MFN2: variants seen among roughly 807,000 people sequenced by gnomAD.
MFN2 encodes mitofusin 2.
In MFN2, 43 loss-of-function variants were observed where a neutral mutation model predicts 87.5. The ratio of observed to expected loss-of-function variants is 0.49; its 90% confidence interval spans 0.38 to 0.63. MFN2 has a LOEUF of 0.63. Ranked by LOEUF, MFN2 falls within the 30% of genes least tolerant of loss-of-function variation. MFN2 has a pLI of 0.00. For synonymous variants in MFN2, 337 were observed against 359.9 expected, an observed-to-expected ratio of 0.94 and a Z score of 0.72; for missense variants, 743 against 972.8, an observed-to-expected ratio of 0.76 and a Z score of 3.14.
chr1:11,984,532 G>A (rs776319663), intron 2 of MFN2, among the ~76,000 whole-genome samples: 6 of 152,158 alleles, frequency 3.9e-5, no homozygotes, highest in Non-Finnish European at 7.3e-5. Flanking sequence ...TTTCATCCAC[G>A]GATCCAGGCT....
chr1:11,999,236 G>A, intron 8 of MFN2, 141 bp downstream of exon 8: 2 of 763,186 alleles, frequency 2.6e-6, no homozygotes, highest in Admixed American at 2.0e-5. Flanking sequence ...ATACTCTTCT[G>A]TGGTATCTTC....
At position 12,006,899 on chromosome 1, in the gene MFN2, C is replaced by T. The variant is rs116069423; in HGVS notation, c.1873-154C>T. Among the ~76,000 whole-genome samples the T allele has an allele frequency of 2.6e-5, 4 of 152,294 alleles. No individual in the cohort carries two copies. The South Asian group carries it at 6.2e-4, about 24-fold the overall frequency. ...GACATGGTCCCAGACCTTCTGGCCT[C>T]GGTGGGATCAAAGGAGACATTGAAA... is the stretch of plus-strand genomic sequence containing the variant. On this transcript the variant is annotated intron_variant, in intron 16 of 18. Coordinates refer to ENST00000235329, the MANE Select transcript of MFN2 (RefSeq NM_014874.4).
chr1:12,006,949 A>T, intron 16 of MFN2, 104 bp from the exon 17 acceptor site: 1 of 1,446,978 alleles, frequency 6.9e-7, no homozygotes, highest in South Asian at 1.1e-5. Flanking sequence ...AGAAACATGA[A>T]GGCTCCTTGG....
chr1:12,007,962 A>G (rs1042152029), intron 17 of MFN2, among the ~76,000 whole-genome samples: 2 of 152,056 alleles, frequency 1.3e-5, no homozygotes, highest in African/African-American at 4.8e-5. Context: ...CTTGACAAGC[A>G]TGCTGCCTTC....
chr1:11,994,040 T>C (rs1638807602), intron 4 of MFN2, among the ~76,000 whole-genome samples: 1 of 152,186 alleles, frequency 6.6e-6, no homozygotes, highest in African/African-American at 2.4e-5. Flanking sequence ...CACATTGAGA[T>C]TGAGTATTCC....
Position 12,006,567 on chromosome 1 carries a change from C to G in MFN2, c.1746C>G (p.Ala582=), listed in dbSNP as rs201393256. ...QVQRPIPLTP[A]NPSMPPLPQG... is the part of the protein sequence containing the mutation. ...AGCGTCCCATCCCTCTGACGCCAGC[C>G]AACCCCAGCATGCCCCCACTGCCAC... The change falls in exon 16 of 19, where the codon GCC becomes GCG. Residue 582 remains alanine, a synonymous_variant. Coordinates refer to ENST00000235329, the MANE Select transcript of MFN2 (RefSeq NM_014874.4). 1.2e-6 allele frequency: 2 copies of G among 1,614,258 alleles called. No homozygotes were observed. Among genetic ancestry groups the G allele is most frequent in the East Asian group, 2.2e-5 (1 of 44,888 alleles).
At chr1:11,988,991 C>T (rs1366607764) in intron 2 of MFN2, among the ~76,000 whole-genome samples, 174 bp from the exon 3 acceptor site, 14 of 152,162 alleles carry the variant, frequency 9.2e-5, no homozygotes, top group South Asian at 8.3e-4. Context: ...GGTGAGCCAC[C>T]GCGCCCAGCC....
chr1:12,004,404 T>C lies in MFN2; in HGVS notation c.1288-105T>C. 4 of 1,076,626 alleles carry C rather than the reference T, an allele frequency of 3.7e-6. No homozygotes were observed. The highest frequency in any genetic ancestry group is 4.3e-6 in the Non-Finnish European group (3 of 691,332). The allele number at this position is 1,076,626 out of a possible 1,614,324, so 66.7% of individuals were successfully genotyped here. A position where few individuals can be genotyped will look rare whatever the true frequency, so the allele number is the denominator to read the frequency against. On this transcript the variant is annotated intron_variant, in intron 12 of 18. Transcript: ENST00000235329. This position sits in a 1 kb window ranked among gnomAD's most constrained non-coding sequence, Gnocchi z 4.2. Reference sequence around the variant, plus strand: ...TCCATAGAGGAGCTGAGGAGGCTGCTGGTTTGAGAGGAAGGATGTGCCATC... The same window carrying C: ...TCCATAGAGGAGCTGAGGAGGCTGCCGGTTTGAGAGGAAGGATGTGCCATC...
In MFN2 at chr1:12,012,886, C is replaced by T. The variant is rs1253156362; in HGVS notation, c.*1321C>T. ...CTTCCTAGAAATAAGCAACACCTCT[C>T]CCAAAAAGCAGCCCACAAGGCAGGG... is the stretch of plus-strand genomic sequence containing the variant. On this transcript the variant is annotated 3_prime_UTR_variant, in exon 19 of 19. Transcript: ENST00000235329. 1 of 153,644 alleles carries T rather than the reference C, an allele frequency of 6.5e-6. No individual in the cohort carries two copies. Among genetic ancestry groups the T allele is most frequent in the African/African-American group, 2.4e-5 (1 of 41,470 alleles). The allele number at this position is 153,644 out of a possible 1,614,324, so 9.5% of individuals were successfully genotyped here.
intron 2 of MFN2, among the ~76,000 whole-genome samples, chr1:11,988,570 T>C (rs1263747109): frequency 6.6e-6 from 1 of 152,080 alleles, no homozygotes; most frequent in Non-Finnish European, 1.5e-5. Context: ...GTGGTCTTGC[T>C]CTGTCTCCCA....
chr1:12,001,897 T>A (rs1639191247), intron 10 of MFN2, 61 bp downstream of exon 10: 1 of 1,613,806 alleles, frequency 6.2e-7, no homozygotes, highest in African/African-American at 1.3e-5. Context: ...ATTGGCTGTG[T>A]CCCTGGCAGT....
At chr1:11,989,411 G>A (rs769057225) in intron 3 of MFN2, 68 bp downstream of exon 3, 6 of 1,561,198 alleles carry the variant, frequency 3.8e-6, no homozygotes, top group Non-Finnish European at 5.2e-6. Flanking sequence ...GGGATTTGCG[G>A]GTGGGGAGGT....
At chr1:12,001,069 T>G (rs1389093787) in intron 8 of MFN2, among the ~76,000 whole-genome samples, 2 of 152,142 alleles carry the variant, frequency 1.3e-5, no homozygotes, top group Non-Finnish European at 2.9e-5. Flanking sequence ...TGGAGTGCAG[T>G]GGTGCTATCT....
chr1:12,006,939 A>G (rs1186287991), intron 16 of MFN2, 114 bp from the exon 17 acceptor site: 50 of 1,393,830 alleles, frequency 3.6e-5, no homozygotes, highest in Admixed American at 1.0e-4. Context: ...AACTCAGAGT[A>G]GAAACATGAA....
At position 12,002,018 on chromosome 1, in the gene MFN2, G is replaced by T; in HGVS notation, c.1075G>T (p.Glu359Ter). Residue 359 changes from glutamate to a stop codon, truncating the protein, a stop_gained, in exon 11 of 19, where the codon GAG becomes TAG. Coordinates refer to ENST00000235329, the MANE Select transcript of MFN2 (RefSeq NM_014874.4). LOFTEE classifies it high-confidence loss of function. ...ISQSAVKTKF[E>*]QHTVRAKQIA... ...CCAGTCTGCAGTGAAGACCAAGTTTGAGCAGCACACGGTCCGGGCCAAGCA... is the reference window on the plus strand; with the variant it reads ...CCAGTCTGCAGTGAAGACCAAGTTTTAGCAGCACACGGTCCGGGCCAAGCA... The T allele has an allele frequency of 1.2e-6, 2 of 1,614,190 alleles. No homozygotes were observed. Among genetic ancestry groups the T allele is most frequent in the South Asian group, 2.2e-5 (2 of 91,068 alleles).
chr1:12,004,238 T>G lies in MFN2; in HGVS notation c.1287+120T>G. On this transcript the variant is annotated intron_variant, in intron 12 of 18. Coordinates refer to ENST00000235329, the MANE Select transcript of MFN2 (RefSeq NM_014874.4). This position sits in a 1 kb window ranked among gnomAD's most constrained non-coding sequence, Gnocchi z 4.2. ...TTCAGAAGAAAGTTGTGGCCCTGTT[T>G]CAAGAATACAGAGCTGCCGTTTGGG... The G allele has an allele frequency of 1.4e-6, 2 of 1,384,914 alleles. No individual in the cohort carries two copies. Among genetic ancestry groups the G allele is most frequent in the South Asian group, 2.4e-5 (2 of 81,740 alleles). 85.8% of individuals were successfully genotyped at this position (1,384,914 alleles called of 1,614,324 possible).
intron 6 of MFN2, among the ~76,000 whole-genome samples, chr1:11,998,348 C>T (rs1639020487): frequency 6.6e-6 from 1 of 151,664 alleles, no homozygotes; most frequent in Admixed American, 6.6e-5. Flanking sequence ...GAGATCGAGA[C>T]CAGCCTGACC....
intron 15 of MFN2, 35 bp from the exon 16 acceptor site, chr1:12,006,503 C>T (rs774475551): frequency 1.7e-5 from 27 of 1,611,966 alleles, no homozygotes; most frequent in South Asian, 7.7e-5. Flanking sequence ...AGACTCAATA[C>T]GTCCCCCTCA....
At position 12,004,424 on chromosome 1, in the gene MFN2, G is replaced by A. The variant is rs1034074788; in HGVS notation, c.1288-85G>A. On this transcript the variant is annotated intron_variant, in intron 12 of 18. Coordinates refer to ENST00000235329, the MANE Select transcript of MFN2 (RefSeq NM_014874.4). The surrounding 1 kb of genome is among the most constrained non-coding windows in gnomAD (Gnocchi z 4.2). ...GCTGCTGGTTTGAGAGGAAGGATGTGCCATCTGCTAGGATCTCTCCTGGTG... is the reference window on the plus strand; with the variant it reads ...GCTGCTGGTTTGAGAGGAAGGATGTACCATCTGCTAGGATCTCTCCTGGTG... The A allele has an allele frequency of 2.8e-5, 33 of 1,182,030 alleles. No individual in the cohort carries two copies. The highest frequency in any genetic ancestry group is 4.1e-5 in the Non-Finnish European group (32 of 787,000). 73.2% of individuals were successfully genotyped at this position (1,182,030 alleles called of 1,614,324 possible).
Sources: allele counts gnomAD v4.1 joint callset (sites outside exome capture counted in the v4.1 genomes callset), GRCh38; gene constraint gnomAD v4.1.1; non-coding constraint Gnocchi (gnomAD v3.1); transcripts MANE v1.5; gene names NCBI Gene and HGNC (gene_info 2026-07-23, HGNC 2026-07-21).